The following CCSER1 variants were observed in gnomAD, a reference collection of about 807,000 sequenced individuals.
The protein encoded by CCSER1 is serine-rich coiled-coil domain-containing protein 1.
In CCSER1, 41 loss-of-function variants were observed where a neutral mutation model predicts 82.0. The observed-to-expected ratio is 0.50, with a 90% confidence interval of 0.39 to 0.65. CCSER1 has a LOEUF of 0.65. Ranked by LOEUF, CCSER1 falls within the 30% of genes least tolerant of loss-of-function variation. The probability of loss-of-function intolerance (pLI) is 0.00; values close to 1 mark genes in which losing one functional copy is unlikely to be tolerated. For missense variants in CCSER1, 1,119 were observed against 1,064.2 expected (o/e 1.05, Z -0.72); for synonymous variants, 414 against 383.9 (o/e 1.08, Z -0.92).
At chr4:90,964,959 C>T (rs1001112851) in intron 9 of CCSER1, among the ~76,000 whole-genome samples, 2 of 151,922 alleles carry the variant, frequency 1.3e-5, no homozygotes, top group African/African-American at 4.8e-5. Context: ...ACAAAGACAT[C>T]TGTGTAAAAG....
chr4:91,187,308 C>G (rs1239895114), intron 10 of CCSER1, among the ~76,000 whole-genome samples: 1 of 152,206 alleles, frequency 6.6e-6, no homozygotes, highest in Non-Finnish European at 1.5e-5. Flanking sequence ...AGTTTTCTTA[C>G]TGAATACATA....
chr4:91,007,794 G>A (rs1178253437), intron 9 of CCSER1, among the ~76,000 whole-genome samples: 1 of 150,378 alleles, frequency 6.6e-6, no homozygotes, highest in South Asian at 2.1e-4. Flanking sequence ...GGTTTAGTTT[G>A]TTCTTGTTTT....
chr4:91,543,254 C>T (rs1046264402), intron 10 of CCSER1, among the ~76,000 whole-genome samples: 3 of 152,122 alleles, frequency 2.0e-5, no homozygotes, highest in Non-Finnish European at 4.4e-5. Flanking sequence ...ACTCTTTATC[C>T]AATTTTCCAG....
intron 10 of CCSER1, among the ~76,000 whole-genome samples, chr4:91,297,385 A>ATGTG (rs57164334): frequency 0.02 from 2,303 of 117,988 alleles, 19 homozygotes; most frequent in African/African-American, 0.027. Context: ...GTGTGTGTGT[A>ATGTG]TGTGTGTGTG....
At chr4:90,682,145 A>G (rs1733998526) in intron 6 of CCSER1, among the ~76,000 whole-genome samples, 1 of 152,004 alleles carries the variant, frequency 6.6e-6, no homozygotes, top group African/African-American at 2.4e-5. Flanking sequence ...AACATGGTGT[A>G]GGTAAATCAT....
At chr4:91,405,525 C>G (rs1752642471) in intron 10 of CCSER1, among the ~76,000 whole-genome samples, 3 of 152,174 alleles carry the variant, frequency 2.0e-5, no homozygotes, top group African/African-American at 7.2e-5. Flanking sequence ...AATAGGCAAC[C>G]TACAGAATGG....
intron 5 of CCSER1, among the ~76,000 whole-genome samples, chr4:90,530,655 C>A (rs1020804448): frequency 6.6e-6 from 1 of 152,008 alleles, no homozygotes; most frequent in Non-Finnish European, 1.5e-5. Flanking sequence ...ACTGTCATGG[C>A]GCTTGTAGGT....
At chr4:90,890,687 G>A (rs930386382) in intron 8 of CCSER1, among the ~76,000 whole-genome samples, 1 of 152,086 alleles carries the variant, frequency 6.6e-6, no homozygotes, top group Admixed American at 6.6e-5. Context: ...GCAGTCCTTT[G>A]GATGTACTTC....
intron 10 of CCSER1, among the ~76,000 whole-genome samples, chr4:91,276,573 A>C (rs1742469497): frequency 6.6e-6 from 1 of 152,052 alleles, no homozygotes; most frequent in Non-Finnish European, 1.5e-5. Flanking sequence ...TAATAGAAAT[A>C]AGATCATGTC....
rs1164144292 is a variant in CCSER1, at chr4:91,380,731, A to G, written c.2218-217841A>G. 3.3e-5 allele frequency among the ~76,000 whole-genome samples: 5 copies of G among 152,180 alleles called. No individual in the cohort carries two copies. In the South Asian group the frequency reaches 1.0e-3, roughly 32 times the overall value. ...CCAGTGTGTGTCTTTTAATTGGAGC[A>G]TTTAGCCCATTTACATTTAAGGCTA... On this transcript the variant is annotated intron_variant, in intron 10 of 10. Transcript: ENST00000509176.
rs545123532 is a variant in CCSER1 at position 90,839,869 on chromosome 4, A to G, written c.2094+24024A>G. On this transcript the variant is annotated intron_variant, in intron 8 of 10. Coordinates refer to ENST00000509176, the MANE Select transcript of CCSER1 (RefSeq NM_001145065.2). ...GAAAATGGTTCCCCCAAAGGGAAGTATAAAGGATTGATACATGAATTGTAT... is the reference window on the plus strand; with the variant it reads ...GAAAATGGTTCCCCCAAAGGGAAGTGTAAAGGATTGATACATGAATTGTAT... Among the ~76,000 whole-genome samples the G allele has an allele frequency of 1.4e-3, 209 of 152,330 alleles. 1 individual carries two copies. Among genetic ancestry groups the G allele is most frequent in the Middle Eastern group, 0.01 (3 of 294 alleles).
At chr4:91,148,234 A>T (rs1343900690) in intron 10 of CCSER1, among the ~76,000 whole-genome samples, 1 of 152,126 alleles carries the variant, frequency 6.6e-6, no homozygotes, top group Non-Finnish European at 1.5e-5. Context: ...ATGCGGTCTA[A>T]TCCATTTTTA....
At chr4:91,281,596 A>C (rs1476812539) in intron 10 of CCSER1, among the ~76,000 whole-genome samples, 2 of 152,218 alleles carry the variant, frequency 1.3e-5, no homozygotes, top group Non-Finnish European at 2.9e-5. Flanking sequence ...AGTATCATGT[A>C]GTAAATGCCT....
intron 5 of CCSER1, among the ~76,000 whole-genome samples, chr4:90,485,331 T>A (rs1213937577): frequency 6.6e-6 from 1 of 152,104 alleles, no homozygotes; most frequent in Non-Finnish European, 1.5e-5. Flanking sequence ...CCCAGGTGAG[T>A]CGATGCCTCG....
intron 9 of CCSER1, among the ~76,000 whole-genome samples, chr4:90,978,677 C>A (rs1450032728): frequency 1.3e-5 from 2 of 151,714 alleles, no homozygotes; most frequent in African/African-American, 4.8e-5. Flanking sequence ...GATGAGGGAT[C>A]TGTAGACCGT....
At chr4:91,232,501 A>G (rs1349251978) in intron 10 of CCSER1, among the ~76,000 whole-genome samples, 1 of 151,836 alleles carries the variant, frequency 6.6e-6, no homozygotes, top group Admixed American at 6.6e-5. Context: ...ATTTGGATAG[A>G]AAGTAAACAA....
chr4:91,499,552 C>T (rs150502137), intron 10 of CCSER1, among the ~76,000 whole-genome samples: 5 of 151,872 alleles, frequency 3.3e-5, no homozygotes, highest in Admixed American at 6.6e-5. Flanking sequence ...TTTAGACAAA[C>T]GTATGACAAT....
chr4:90,787,713 A>G (rs1277071161), intron 7 of CCSER1, among the ~76,000 whole-genome samples: 1 of 152,310 alleles, frequency 6.6e-6, no homozygotes, highest in East Asian at 1.9e-4. Flanking sequence ...GAACAATTGT[A>G]TGTCTCCATG....
At chr4:91,052,957 G>A (rs1743135642) in intron 9 of CCSER1, among the ~76,000 whole-genome samples, 1 of 151,970 alleles carries the variant, frequency 6.6e-6, no homozygotes, top group Non-Finnish European at 1.5e-5. Flanking sequence ...TAGTAAATTG[G>A]TGGTTGAGCT....
Sources: allele counts gnomAD v4.1 joint callset (sites outside exome capture counted in the v4.1 genomes callset), GRCh38; gene constraint gnomAD v4.1.1; transcripts MANE v1.5; gene names NCBI Gene and HGNC (gene_info 2026-07-23, HGNC 2026-07-21).